Variants in CEP350 observed in about 807,000 individuals in gnomAD.
The protein encoded by CEP350 is centrosome-associated protein 350.
A neutral mutation model predicts 331.8 loss-of-function variants in CEP350; 126 were observed. That is an observed-to-expected ratio of 0.38 (90% CI 0.33 to 0.44). CEP350 has a LOEUF of 0.44. Ranked by LOEUF, CEP350 falls within the 20% of genes least tolerant of loss-of-function variation. CEP350 has a pLI of 1.00. For missense variants in CEP350, 3,406 were observed against 3,634.6 expected, an observed-to-expected ratio of 0.94 and a Z score of 1.62; for synonymous variants, 1,200 against 1,259.5, an observed-to-expected ratio of 0.95 and a Z score of 1.00.
chr1:180,051,563 C>T (rs1657503924), intron 22 of CEP350, among the ~76,000 whole-genome samples: 1 of 152,132 alleles, frequency 6.6e-6, no homozygotes, highest in Non-Finnish European at 1.5e-5. Flanking sequence ...ATGTATTTGT[C>T]AAAACCTTGA....
At chr1:180,051,303 A>G (rs1387974580) in intron 22 of CEP350, among the ~76,000 whole-genome samples, 4 of 152,210 alleles carry the variant, frequency 2.6e-5, no homozygotes, top group African/African-American at 9.6e-5. Context: ...GGGAGCACAC[A>G]TGGACGAATT....
intron 27 of CEP350, chr1:180,073,790 T>C (rs1659046649): frequency 7.7e-7 from 1 of 1,303,990 alleles, no homozygotes; most frequent in African/African-American, 1.5e-5. Flanking sequence ...TTGTAGACAC[T>C]GCTCTCCTGT....
In CEP350 at chr1:180,041,210, C is replaced by A. The variant is rs749394315; in HGVS notation, c.4183C>A (p.Gln1395Lys). 1.3e-6 allele frequency: 2 copies of A among 1,596,610 alleles called. No individual in the cohort carries two copies. The highest frequency in any genetic ancestry group is 1.7e-6 in the Non-Finnish European group (2 of 1,171,514). The change falls in exon 18 of 38, where the codon CAG (glutamine) becomes AAG (lysine). Residue 1395 changes from glutamine to lysine, a missense_variant. Around this residue, in one of 5 missense-constraint regions of CEP350, gnomAD observed 1,857 missense variants for 1,909.2 expected, o/e 0.97. Coordinates refer to ENST00000367607, the MANE Select transcript of CEP350 (RefSeq NM_014810.5). ...GGCTGAACAAGAGGCTCTGGAGAGT[C>A]AGAGACAATTAGAAGAAACCCGAAA... ...LKAEQEALES[Q>K]RQLEETRNKA...
At chr1:180,104,445 C>T (rs890685675) in intron 37 of CEP350, among the ~76,000 whole-genome samples, 93 of 152,050 alleles carry the variant, frequency 6.1e-4, no homozygotes, top group African/African-American at 2.2e-3. Context: ...TTAAAAGTTT[C>T]TGAATCTTCC....
At chr1:179,976,754 G>A (rs1263082627) in intron 1 of CEP350, among the ~76,000 whole-genome samples, 1 of 151,814 alleles carries the variant, frequency 6.6e-6, no homozygotes, top group African/African-American at 2.4e-5. Context: ...TTCTCTCTAA[G>A]TACATGATTT....
intron 25 of CEP350, 34 bp from the exon 26 acceptor site, chr1:180,062,186 A>T: frequency 6.5e-7 from 1 of 1,527,438 alleles, no homozygotes; most frequent in Non-Finnish European, 8.8e-7. Flanking sequence ...TCTTCTCCCA[A>T]TCTTAATCCC....
At chr1:180,004,365 G>A (rs968781503) in intron 7 of CEP350, among the ~76,000 whole-genome samples, 8 of 152,118 alleles carry the variant, frequency 5.3e-5, no homozygotes, top group East Asian at 3.9e-4. Context: ...TTGCTCTGAC[G>A]TATTTAAGGA....
At chr1:180,039,462 G>C (rs1458329841) in intron 17 of CEP350, among the ~76,000 whole-genome samples, 1 of 152,158 alleles carries the variant, frequency 6.6e-6, no homozygotes, top group Non-Finnish European at 1.5e-5. Flanking sequence ...GATTTGATGT[G>C]AGGAAGAGAG....
At position 180,052,171 on chromosome 1, in the gene CEP350, A is replaced by G. The variant is rs1011105796; in HGVS notation, c.4793-799A>G. 7.3e-5 allele frequency: 33 copies of G among 453,208 alleles called. No homozygotes were observed. In the Admixed American group the frequency reaches 7.3e-4, roughly 10 times the overall value. 28.1% of individuals were successfully genotyped at this position (453,208 alleles called of 1,614,324 possible). On this transcript the variant is annotated intron_variant, in intron 22 of 37. Coordinates refer to ENST00000367607, the MANE Select transcript of CEP350 (RefSeq NM_014810.5). ...AGTGCAGAAGCAGTGATACAACTGT[A>G]GTAACAAGGACAACTAGTGCCTACA... is the stretch of plus-strand genomic sequence containing the variant.
intron 37 of CEP350, among the ~76,000 whole-genome samples, chr1:180,099,780 ATTT>A (rs200255438): frequency 8.4e-6 from 1 of 119,526 alleles, no homozygotes; most frequent in African/African-American, 3.3e-5. Context: ...GCCTTATTTG[ATTT>A]TTTTTTTTTT....
At chr1:180,008,969 A>G (rs1289315764) in intron 8 of CEP350, among the ~76,000 whole-genome samples, 1 of 152,236 alleles carries the variant, frequency 6.6e-6, no homozygotes, top group Non-Finnish European at 1.5e-5. Flanking sequence ...ATAAAAAAAT[A>G]AAATGTTACA....
intron 20 of CEP350, 35 bp downstream of exon 20, chr1:180,043,227 C>T: frequency 6.4e-7 from 1 of 1,573,366 alleles, no homozygotes; most frequent in East Asian, 2.3e-5. Flanking sequence ...TATATAATGA[C>T]TGTCTGTTAG....
At chr1:180,058,360 C>T (rs1354345353) in intron 25 of CEP350, among the ~76,000 whole-genome samples, 3 of 152,086 alleles carry the variant, frequency 2.0e-5, no homozygotes. Context: ...TCATATTGGA[C>T]AGTGTAGCAT....
At chr1:180,012,170 CT>C (rs1654701546) in intron 9 of CEP350, 95 bp downstream of exon 9, 1 of 1,170,202 alleles carries the variant, frequency 8.5e-7, no homozygotes, top group African/African-American at 1.6e-5. Context: ...TGTGTTAGGA[CT>C]TTGCTTTATA....
intron 32 of CEP350, among the ~76,000 whole-genome samples, chr1:180,088,891 A>G (rs187360950): frequency 6.6e-5 from 10 of 152,354 alleles, no homozygotes; most frequent in South Asian, 6.2e-4. Flanking sequence ...GGGAAGCAGT[A>G]AAAAGAAAAA....
chr1:180,026,227 C>T (rs531493247), intron 14 of CEP350, among the ~76,000 whole-genome samples: 9 of 151,150 alleles, frequency 6.0e-5, no homozygotes, highest in Admixed American at 2.6e-4. Context: ...GCCGAGACTG[C>T]GCCATTGCAC....
intron 21 of CEP350, among the ~76,000 whole-genome samples, chr1:180,046,059 C>T (rs1025611819): frequency 2.6e-5 from 4 of 152,172 alleles, no homozygotes; most frequent in Non-Finnish European, 5.9e-5. Context: ...AGTGCTATCC[C>T]GTCTGCTTTA....
intron 5 of CEP350, 131 bp downstream of exon 5, chr1:179,992,352 C>A: frequency 3.0e-6 from 2 of 656,192 alleles, no homozygotes; most frequent in Non-Finnish European, 4.4e-6. Context: ...AATATTACTA[C>A]CTTTTTCATT....
Position 180,041,189 on chromosome 1 carries a change from G to C in CEP350, c.4162G>C (p.Glu1388Gln), listed in dbSNP as rs1047797614. The C allele has an allele frequency of 4.4e-6, 7 of 1,598,604 alleles. No homozygotes were observed. The highest frequency in any genetic ancestry group is 1.7e-5 in the Admixed American group (1 of 57,776). Reference protein sequence around the residue: ...RDLALLKLKAEQEALESQRQL... With the variant: ...RDLALLKLKAQQEALESQRQL... ...CTTGGCCCTCTTGAAACTAAAGGCT[G>C]AACAAGAGGCTCTGGAGAGTCAGAG... Residue 1388 changes from glutamate (E) to glutamine (Q), a missense_variant, in exon 18 of 38, where the codon GAA becomes CAA. By Grantham distance (29) the Glu-to-Gln change is conservative. Around this residue, in one of 5 missense-constraint regions of CEP350, gnomAD observed 1,857 missense variants for 1,909.2 expected, o/e 0.97. Transcript: ENST00000367607.
Sources: allele counts gnomAD v4.1 joint callset (sites outside exome capture counted in the v4.1 genomes callset), GRCh38; gene constraint gnomAD v4.1.1; regional missense constraint gnomAD v4.1.1; transcripts MANE v1.5; gene names NCBI Gene and HGNC (gene_info 2026-07-23, HGNC 2026-07-21).